The following NOP14 variants were observed in gnomAD, a reference collection of about 807,000 sequenced individuals.
NOP14 encodes the protein nucleolar protein 14.
NOP14 carries 57 observed loss-of-function variants against 101.6 expected under a neutral mutation model. The observed-to-expected ratio is 0.56, with a 90% confidence interval of 0.45 to 0.70. The LOEUF (loss-of-function observed/expected upper bound fraction) is 0.70. Ranked by LOEUF, NOP14 falls within the 30% of genes least tolerant of loss-of-function variation. The pLI is 0.00. For synonymous variants in NOP14, 428 were observed against 424.0 expected (o/e 1.01, Z -0.12); for missense variants, 1,134 against 1,075.5 (o/e 1.05, Z -0.76).
rs1257715835 is a variant in NOP14, at chr4:2,949,938, G to A, written c.1278C>T (p.Phe426=). The change falls in exon 8 of 18, where the codon TTC becomes TTT. Residue 426 remains phenylalanine (F), a synonymous_variant. Coordinates refer to ENST00000416614, the MANE Select transcript of NOP14 (RefSeq NM_001291978.2). ...GAAACCCGCGCACTTGCCCACCTGC[G>A]AACGTGTAGGGCAGCTCGTCTCTGG... ...KATRDELPYT[F]AAPESYEELR... is the part of the protein sequence containing the mutation. The A allele has an allele frequency of 3.1e-6, 5 of 1,614,016 alleles. No individual in the cohort carries two copies. Among genetic ancestry groups the A allele is most frequent in the African/African-American group, 1.3e-5 (1 of 75,016 alleles).
chr4:2,953,375 T>G (rs1227647659), intron 5 of NOP14, 136 bp downstream of exon 5: 3 of 858,686 alleles, frequency 3.5e-6, no homozygotes, highest in African/African-American at 1.7e-5. Context: ...AGCAGGTAAT[T>G]CAGTATCAAT....
At position 2,938,697 on chromosome 4, in the gene NOP14, G is replaced by T; in HGVS notation, c.*134C>A. The T allele has an allele frequency of 1.5e-6, 1 of 667,000 alleles. No individual in the cohort carries two copies. Among genetic ancestry groups the T allele is most frequent in the Non-Finnish European group, 2.6e-6 (1 of 389,638 alleles). 41.3% of individuals were successfully genotyped at this position (667,000 alleles called of 1,614,324 possible). On this transcript the variant is annotated 3_prime_UTR_variant, in exon 18 of 18. Transcript: ENST00000416614. ...ATTTTTATGTTTTTTTGGTAGAGACGGGGTCTTCCTGTGTTGCCCAGGCTG... is the reference window on the plus strand; with the variant it reads ...ATTTTTATGTTTTTTTGGTAGAGACTGGGTCTTCCTGTGTTGCCCAGGCTG...
intron 3 of NOP14, 121 bp from the exon 4 acceptor site, chr4:2,954,684 A>G: frequency 8.1e-7 from 1 of 1,230,962 alleles, no homozygotes; most frequent in African/African-American, 1.5e-5. Flanking sequence ...TTTGAGAAAA[A>G]AATGCTCACA....
intron 12 of NOP14, 116 bp downstream of exon 12, chr4:2,945,012 C>T (rs938056739): frequency 8.9e-5 from 61 of 687,006 alleles, no homozygotes; most frequent in Middle Eastern, 4.0e-4. Flanking sequence ...CCGCAGTGCT[C>T]GGTCTCTGCA....
At position 2,938,311 on chromosome 4, in the gene NOP14, G is replaced by A. The variant is rs371808591; in HGVS notation, c.*520C>T. ...CAAGGCAGGTGGATTACCTGAGGTC[G>A]GGAATTCGAGACCAGCCTGACCAAC... On this transcript the variant is annotated 3_prime_UTR_variant, in exon 18 of 18. Transcript: ENST00000416614. 12 of 913,308 alleles carry A rather than the reference G, an allele frequency of 1.3e-5. No individual in the cohort carries two copies. Among genetic ancestry groups the A allele is most frequent in the African/African-American group, 6.9e-5 (4 of 58,286 alleles). 56.6% of individuals were successfully genotyped at this position (913,308 alleles called of 1,614,324 possible).
chr4:2,954,312 C>T, intron 4 of NOP14, 112 bp downstream of exon 4: 1 of 1,201,676 alleles, frequency 8.3e-7, no homozygotes, highest in Admixed American at 2.3e-5. Context: ...TTACTGAACT[C>T]ATATAAAATA....
intron 1 of NOP14, among the ~76,000 whole-genome samples, chr4:2,959,397 C>G (rs887888168): frequency 6.6e-6 from 1 of 152,052 alleles, no homozygotes; most frequent in Non-Finnish European, 1.5e-5. Flanking sequence ...TCAAGACCAT[C>G]CTGGGTAACA....
At chr4:2,955,459 C>A (rs1293141869) in intron 3 of NOP14, among the ~76,000 whole-genome samples, 4 of 133,502 alleles carry the variant, frequency 3.0e-5, no homozygotes, top group Non-Finnish European at 3.2e-5. Flanking sequence ...ACCACAGCGC[C>A]CCCTCTAGTC....
intron 3 of NOP14, 61 bp downstream of exon 3, chr4:2,956,609 C>A (rs2109311783): frequency 6.6e-7 from 1 of 1,515,228 alleles, no homozygotes; most frequent in Admixed American, 2.3e-5. Context: ...GAAGGTCTAA[C>A]AATGAACAGA....
rs920842181 is a variant in NOP14, at chr4:2,947,048, C to T, written c.1499+478G>A. 5.1e-5 allele frequency: 11 copies of T among 215,456 alleles called. No homozygotes were observed. The East Asian group carries it at 6.7e-4, about 13-fold the overall frequency. The allele number at this position is 215,456 out of a possible 1,614,324, so 13.3% of individuals were successfully genotyped here. On this transcript the variant is annotated intron_variant, in intron 10 of 17. Transcript: ENST00000416614. ...CACCAGCCCTGGGGGCCAGGAGCCA[C>T]TGAGTGGGTCACACAGCCTTAGAGG...
In NOP14 at chr4:2,945,160, C is replaced by T. The variant is rs755913425; in HGVS notation, c.1705G>A (p.Ala569Thr). ...SDFWHPVVTP[A>T]LVCLSQLLTK... The stretch of plus-strand genomic sequence containing the variant: ...AGCAGCTGACTGAGGCACACGAGGG[C>T]AGGGGTCACCACTGGGTGCCAGAAG... The change falls in exon 12 of 18, where the codon GCC (alanine) becomes ACC (threonine). Residue 569 changes from alanine (A) to threonine (T), a missense_variant. Ala to Thr is a moderately conservative substitution (Grantham distance 58). Transcript: ENST00000416614. 54 of 1,593,018 alleles carry T rather than the reference C, an allele frequency of 3.4e-5. No individual in the cohort carries two copies. Among genetic ancestry groups the T allele is most frequent in the Non-Finnish European group, 4.6e-5 (54 of 1,169,606 alleles).
chr4:2,944,074 T>A lies in NOP14; in HGVS notation c.1890A>T (p.Gln630His), dbSNP rs376592012. Residue 630 changes from glutamine (Q) to histidine (H), a missense_variant and splice_region_variant, in exon 13 of 18, where the codon CAA becomes CAT. By Grantham distance (24) the Gln-to-His change is conservative. Transcript: ENST00000416614. ...GGAACCTCCCTCAAATCAACTCACC[T>A]TGGCTTGCTTTGTTTGGAGTTGCTA... ...LYIATPNKAS[Q>H]GSTLVHPFRA... 5.6e-6 allele frequency: 9 copies of A among 1,605,394 alleles called. No individual in the cohort carries two copies. The African/African-American group carries it at 1.1e-4, about 19-fold the overall frequency.
rs913338833 is a variant in NOP14 at position 2,960,001 on chromosome 4, G to A, written c.196-2261C>T. Among the ~76,000 whole-genome samples the A allele has an allele frequency of 2.0e-5, 3 of 149,126 alleles. No homozygotes were observed. In the South Asian group the frequency reaches 6.4e-4, roughly 32 times the overall value. ...TTTTTTTTTTTAAAGATGGAATCTC[G>A]CTCTGTCGCCCAGGCTGGAGTGCAG... On this transcript the variant is annotated intron_variant, in intron 1 of 17. Coordinates refer to ENST00000416614, the MANE Select transcript of NOP14 (RefSeq NM_001291978.2).
intron 5 of NOP14, among the ~76,000 whole-genome samples, chr4:2,952,933 T>C (rs1035272096): frequency 2.6e-5 from 4 of 152,226 alleles, no homozygotes; most frequent in South Asian, 2.1e-4. Flanking sequence ...AGAGCGAGAC[T>C]CCGTCTCAAA....
intron 9 of NOP14, 71 bp downstream of exon 9, chr4:2,948,207 C>A: frequency 6.6e-7 from 1 of 1,505,574 alleles, no homozygotes; most frequent in Non-Finnish European, 8.8e-7. Flanking sequence ...CACAACTTCA[C>A]ACAATTCTGG....
chr4:2,948,401 T>G lies in NOP14; in HGVS notation c.1290A>C (p.Glu430Asp), dbSNP rs552221383. 1.2e-5 allele frequency: 20 copies of G among 1,608,314 alleles called. 1 individual carries two copies. The South Asian group carries it at 2.0e-4, about 16-fold the overall frequency. Residue 430 changes from glutamate to aspartate, a missense_variant, in exon 9 of 18, where the codon GAA (glutamate) becomes GAC (aspartate). Coordinates refer to ENST00000416614, the MANE Select transcript of NOP14 (RefSeq NM_001291978.2). ...ACAGAGATCTCAGTTCCTCATAGGATTCAGGGGCTATCAAAAACACAAAAC... is the reference window on the plus strand; with the variant it reads ...ACAGAGATCTCAGTTCCTCATAGGAGTCAGGGGCTATCAAAAACACAAAAC... ...DELPYTFAAP[E>D]SYEELRSLLL...
intron 6 of NOP14, among the ~76,000 whole-genome samples, chr4:2,951,501 T>A (rs1715026547): frequency 6.6e-6 from 1 of 152,156 alleles, no homozygotes; most frequent in South Asian, 2.1e-4. Context: ...AGCCTATTAT[T>A]CTGAGGCCTT....
intron 6 of NOP14, 138 bp from the exon 7 acceptor site, chr4:2,951,383 G>A: frequency 1.5e-6 from 1 of 663,030 alleles, no homozygotes; most frequent in Non-Finnish European, 2.6e-6. Context: ...CCTGCTTTCT[G>A]CCTGCAGTTT....
At chr4:2,948,585 G>A (rs891939128) in intron 8 of NOP14, among the ~76,000 whole-genome samples, 177 bp from the exon 9 acceptor site, 1 of 152,190 alleles carries the variant, frequency 6.6e-6, no homozygotes, top group Admixed American at 6.5e-5. Flanking sequence ...CTGCTGAGTA[G>A]CTGGGATTAC....
Sources: gnomAD v4.1 joint callset for allele counts (sites outside exome capture counted in the v4.1 genomes callset) on GRCh38, gnomAD v4.1.1 for gene constraint, MANE v1.5 for transcripts, NCBI Gene and HGNC (gene_info 2026-07-23, HGNC 2026-07-21) for gene names.